Variants in NEK11 observed in about 807,000 individuals in gnomAD.
NEK11 encodes the protein serine/threonine-protein kinase Nek11.
Under a neutral mutation model 80.7 loss-of-function variants are expected in NEK11, and 72 were observed. The observed-to-expected ratio is 0.89, with a 90% CI of 0.74 to 1.08. The LOEUF is 1.08. Among genes scored for constraint, NEK11 ranks in the 50% least tolerant of loss-of-function variants. NEK11 has a pLI of 0.00. For synonymous variants in NEK11, 251 were observed against 260.7 expected (o/e 0.96, Z 0.36); for missense variants, 764 against 763.6 (o/e 1.00, Z -0.01).
At chr3:131,252,552 A>ATT (rs1323297558) in intron 16 of NEK11, among the ~76,000 whole-genome samples, 1 of 152,108 alleles carries the variant, frequency 6.6e-6, no homozygotes, top group African/African-American at 2.4e-5. Context: ...GACTGAATGA[A>ATT]TGAGTTAGCA....
intron 5 of NEK11, among the ~76,000 whole-genome samples, chr3:131,128,278 G>A (rs1185292870): frequency 6.6e-6 from 1 of 152,108 alleles, no homozygotes; most frequent in Non-Finnish European, 1.5e-5. Flanking sequence ...TAAAGTTGTT[G>A]CATGGCCCTA....
At chr3:131,116,923 G>C (rs1560482948) in intron 5 of NEK11, among the ~76,000 whole-genome samples, 1 of 152,154 alleles carries the variant, frequency 6.6e-6, no homozygotes, top group Non-Finnish European at 1.5e-5. Context: ...CCATTCTGTA[G>C]GTTGCCTGTT....
At chr3:131,129,200 A>C (rs1578766815) in intron 5 of NEK11, among the ~76,000 whole-genome samples, 2 of 151,648 alleles carry the variant, frequency 1.3e-5, no homozygotes, top group African/African-American at 4.8e-5. Context: ...ACAGGTGCCC[A>C]CCACCAGGCC....
chr3:131,340,104 T>C (rs1231250600), intron 17 of NEK11, among the ~76,000 whole-genome samples: 2 of 152,228 alleles, frequency 1.3e-5, no homozygotes, highest in Non-Finnish European at 2.9e-5. Context: ...AATCTGAATG[T>C]TTCCATATAC....
intron 17 of NEK11, among the ~76,000 whole-genome samples, chr3:131,305,132 G>C (rs1414602348): frequency 3.3e-5 from 5 of 151,826 alleles, no homozygotes; most frequent in Non-Finnish European, 7.4e-5. Context: ...GCTCACACCA[G>C]CAGAAGCAGT....
chr3:131,068,602 A>G (rs2072523176), intron 3 of NEK11, among the ~76,000 whole-genome samples: 1 of 152,166 alleles, frequency 6.6e-6, no homozygotes, highest in African/African-American at 2.4e-5. Flanking sequence ...TCTCTGCTGC[A>G]GAGCTCCTGT....
At chr3:131,048,550 A>T (rs911648898) in intron 3 of NEK11, among the ~76,000 whole-genome samples, 19 of 152,180 alleles carry the variant, frequency 1.2e-4, no homozygotes, top group African/African-American at 4.6e-4. Context: ...TCCTTCTGTG[A>T]TCTGGACCTT....
intron 16 of NEK11, among the ~76,000 whole-genome samples, chr3:131,255,922 C>A (rs1283650574): frequency 6.6e-6 from 1 of 152,140 alleles, no homozygotes; most frequent in African/African-American, 2.4e-5. Context: ...ACCTCACTTC[C>A]ATTTTCTATC....
intron 17 of NEK11, among the ~76,000 whole-genome samples, chr3:131,280,620 A>G (rs1434573742): frequency 1.3e-5 from 2 of 152,138 alleles, no homozygotes; most frequent in African/African-American, 4.8e-5. Context: ...TTTTTGTTAC[A>G]TCTTTCTTGT....
chr3:131,066,840 CAAAAAAA>C (rs56140132), intron 3 of NEK11, among the ~76,000 whole-genome samples: 3 of 99,776 alleles, frequency 3.0e-5, no homozygotes, highest in African/African-American at 1.4e-4. Context: ...AGACTTGTCT[CAAAAAAA>C]AAAAAAAAAA....
intron 15 of NEK11, among the ~76,000 whole-genome samples, chr3:131,233,170 G>A (rs1226908317): frequency 6.6e-6 from 1 of 152,116 alleles, no homozygotes; most frequent in Non-Finnish European, 1.5e-5. Flanking sequence ...GCCTCAGGCT[G>A]CACTGCAATT....
intron 4 of NEK11, among the ~76,000 whole-genome samples, chr3:131,107,179 C>G (rs1381378023): frequency 6.6e-6 from 1 of 152,046 alleles, no homozygotes; most frequent in Non-Finnish European, 1.5e-5. Context: ...GTTAAAACTT[C>G]ACTGTGGCCA....
intron 16 of NEK11, among the ~76,000 whole-genome samples, chr3:131,251,202 A>G (rs868210763): frequency 6.9e-6 from 1 of 145,246 alleles, no homozygotes; most frequent in Admixed American, 6.8e-5. Context: ...GGTAAATACA[A>G]AAAAAAAAAA....
At chr3:131,077,660 G>A (rs1473412349) in intron 3 of NEK11, among the ~76,000 whole-genome samples, 2 of 152,160 alleles carry the variant, frequency 1.3e-5, no homozygotes, top group African/African-American at 2.4e-5. Flanking sequence ...ATATTGTCAT[G>A]CTTAACCACT....
At chr3:131,195,819 T>TATATAA (rs1553929124) in intron 14 of NEK11, among the ~76,000 whole-genome samples, 3 of 141,320 alleles carry the variant, frequency 2.1e-5, no homozygotes, top group African/African-American at 7.6e-5. Flanking sequence ...TATATATATA[T>TATATAA]AAAATTGAAG....
intron 4 of NEK11, among the ~76,000 whole-genome samples, chr3:131,106,071 T>G (rs776881983): frequency 8.5e-5 from 13 of 152,190 alleles, no homozygotes; most frequent in Non-Finnish European, 1.8e-4. Context: ...GACCTTAATT[T>G]CTAGTGAACA....
intron 14 of NEK11, among the ~76,000 whole-genome samples, chr3:131,218,405 T>C (rs767624551): frequency 6.6e-6 from 1 of 152,190 alleles, no homozygotes; most frequent in Non-Finnish European, 1.5e-5. Flanking sequence ...ACCACAAAGA[T>C]GGTTTTACCT....
At chr3:131,115,199 T>A (rs2080815758) in intron 5 of NEK11, among the ~76,000 whole-genome samples, 1 of 152,204 alleles carries the variant, frequency 6.6e-6, no homozygotes, top group African/African-American at 2.4e-5. Context: ...CCTGCCTCAC[T>A]ACTTAAGCTA....
intron 4 of NEK11, among the ~76,000 whole-genome samples, chr3:131,103,319 A>C (rs1422562378): frequency 1.3e-5 from 2 of 152,082 alleles, no homozygotes; most frequent in African/African-American, 4.8e-5. Context: ...TGTGGTGTAA[A>C]TTGAGTATAG....
Sources: gnomAD v4.1 joint callset for allele counts (sites outside exome capture counted in the v4.1 genomes callset) on GRCh38, gnomAD v4.1.1 for gene constraint, MANE v1.5 for transcripts, NCBI Gene and HGNC (gene_info 2026-07-23, HGNC 2026-07-21) for gene names.